The following NUAK1 variants were observed in gnomAD, a reference collection of about 807,000 sequenced individuals.
The protein encoded by NUAK1 is NUAK family SNF1-like kinase 1.
Under a neutral mutation model 56.9 loss-of-function variants are expected in NUAK1, and 26 were observed. The observed-to-expected ratio is 0.46, with a 90% confidence interval of 0.33 to 0.63. NUAK1 has a LOEUF of 0.63. NUAK1 is among the 30% of genes least tolerant of loss of function. The probability of loss-of-function intolerance (pLI) is 0.02; values close to 1 mark genes in which losing one functional copy is unlikely to be tolerated. For synonymous variants in NUAK1, 337 were observed against 336.0 expected, an observed-to-expected ratio of 1.00 and a Z score of -0.03; for missense variants, 727 against 876.1, an observed-to-expected ratio of 0.83 and a Z score of 2.15.
chr12:106,125,916 C>A (rs191658158), intron 1 of NUAK1, among the ~76,000 whole-genome samples: 31 of 145,680 alleles, frequency 2.1e-4, no homozygotes, highest in East Asian at 4.1e-4. Flanking sequence ...TAGTCTCCCC[C>A]CTGCATGCCT....
intron 1 of NUAK1, among the ~76,000 whole-genome samples, chr12:106,112,235 G>C (rs771157694): frequency 2.0e-5 from 3 of 152,128 alleles, no homozygotes; most frequent in Admixed American, 6.5e-5. Context: ...CCATTCACAA[G>C]GTGTGATCTC....
At chr12:106,102,362 A>G (rs1148426) in intron 2 of NUAK1, among the ~76,000 whole-genome samples, 152,292 of 152,358 alleles carry the variant, frequency 1, 76,113 homozygotes, top group Middle Eastern at 1. Context: ...CTTTCTATGA[A>G]GATGAAAATG....
intron 1 of NUAK1, among the ~76,000 whole-genome samples, chr12:106,116,027 CTT>C (rs2032913429): frequency 6.6e-6 from 1 of 152,232 alleles, no homozygotes; most frequent in Admixed American, 6.5e-5. Flanking sequence ...GCAATGACCC[CTT>C]TGCAGATATG....
chr12:106,102,916 C>T (rs909585306), intron 2 of NUAK1, among the ~76,000 whole-genome samples: 2 of 152,180 alleles, frequency 1.3e-5, no homozygotes, highest in African/African-American at 2.4e-5. Flanking sequence ...AGCCCCAGCT[C>T]CCTCCTGAGG....
intron 1 of NUAK1, among the ~76,000 whole-genome samples, chr12:106,127,770 G>A (rs1045569589): frequency 1.3e-5 from 2 of 152,080 alleles, no homozygotes; most frequent in African/African-American, 4.8e-5. Context: ...CTCTTCCTAC[G>A]AGCTGGAAGG....
At chr12:106,111,675 G>GC (rs555156823) in intron 1 of NUAK1, among the ~76,000 whole-genome samples, 52 of 152,248 alleles carry the variant, frequency 3.4e-4, no homozygotes, top group African/African-American at 1.2e-3. Context: ...GGTGATGCCA[G>GC]CCCCAGGGAC....
intron 1 of NUAK1, among the ~76,000 whole-genome samples, chr12:106,127,031 G>A (rs1036239924): frequency 2.0e-5 from 3 of 152,234 alleles, no homozygotes; most frequent in African/African-American, 7.2e-5. Flanking sequence ...CTTGACAAGT[G>A]GCTTCATGTC....
At chr12:106,086,984 G>T in intron 2 of NUAK1, 99 bp from the exon 3 acceptor site, 3 of 1,455,796 alleles carry the variant, frequency 2.1e-6, no homozygotes, top group Non-Finnish European at 1.9e-6. Context: ...ATGTCGCCAG[G>T]CAGAGGATCG....
At chr12:106,094,837 A>G (rs1005049103) in intron 2 of NUAK1, among the ~76,000 whole-genome samples, 1 of 152,180 alleles carries the variant, frequency 6.6e-6, no homozygotes, top group South Asian at 2.1e-4. Context: ...GCCTGCTAGG[A>G]TTAATAGTGC....
intron 1 of NUAK1, 125 bp from the exon 2 acceptor site, chr12:106,106,650 C>T (rs1358688978): frequency 1.0e-5 from 9 of 898,546 alleles, no homozygotes; most frequent in African/African-American, 1.7e-5. Context: ...CAAAACAAAG[C>T]TTGGAAATGC....
chr12:106,131,717 A>G (rs1245929060), intron 1 of NUAK1, among the ~76,000 whole-genome samples: 2 of 152,162 alleles, frequency 1.3e-5, no homozygotes, highest in African/African-American at 4.8e-5. Flanking sequence ...GTGTGGACAT[A>G]TGTTTGCATT....
At chr12:106,070,662 G>A in intron 6 of NUAK1, 112 bp downstream of exon 6, 1 of 1,382,368 alleles carries the variant, frequency 7.2e-7, no homozygotes, top group Non-Finnish European at 1.0e-6. Flanking sequence ...AGAAGAAAGA[G>A]GAAAACCAGG....
intron 1 of NUAK1, among the ~76,000 whole-genome samples, chr12:106,114,052 G>A (rs954320581): frequency 1.3e-5 from 2 of 152,174 alleles, no homozygotes; most frequent in African/African-American, 4.8e-5. Flanking sequence ...GAAGCCAAAT[G>A]CAACACCAAA....
chr12:106,118,655 C>T (rs563984519), intron 1 of NUAK1, among the ~76,000 whole-genome samples: 1 of 152,336 alleles, frequency 6.6e-6, no homozygotes, highest in African/African-American at 2.4e-5. Flanking sequence ...CAACCACAGG[C>T]CAGAAACATC....
chr12:106,076,347 G>A (rs1218157094), intron 4 of NUAK1, among the ~76,000 whole-genome samples: 1 of 152,198 alleles, frequency 6.6e-6, no homozygotes, highest in Non-Finnish European at 1.5e-5. Context: ...AACATCAGCT[G>A]CAAATGGAGA....
rs371338517 is a variant in NUAK1 at position 106,092,271 on chromosome 12, C to A, written c.362-5386G>T. Among the ~76,000 whole-genome samples the A allele has an allele frequency of 4.5e-4, 69 of 152,220 alleles. 2 individuals carry two copies. The South Asian group carries it at 0.014, about 31-fold the overall frequency. ...TGGTGGCTCATGCCTGTAATCCCAGCACTTTGGGAGGCCGAGGCGGGTGGA... is the reference window on the plus strand; with the variant it reads ...TGGTGGCTCATGCCTGTAATCCCAGAACTTTGGGAGGCCGAGGCGGGTGGA... On this transcript the variant is annotated intron_variant, in intron 2 of 6. Transcript: ENST00000261402.
intron 2 of NUAK1, among the ~76,000 whole-genome samples, chr12:106,088,664 T>C (rs189194287): frequency 2.3e-3 from 352 of 152,356 alleles, no homozygotes; most frequent in Non-Finnish European, 4.2e-3. Flanking sequence ...GGAGGACTTA[T>C]TGATACCAGT....
At chr12:106,076,282 G>A (rs1016199777) in intron 4 of NUAK1, among the ~76,000 whole-genome samples, 5 of 152,230 alleles carry the variant, frequency 3.3e-5, no homozygotes, top group Admixed American at 3.3e-4. Context: ...AAGAACAGCA[G>A]CAAGTACATG....
chr12:106,135,930 G>T (rs541512431), intron 1 of NUAK1, among the ~76,000 whole-genome samples: 24 of 152,296 alleles, frequency 1.6e-4, no homozygotes, highest in African/African-American at 5.8e-4. Flanking sequence ...TTTGTTTGGT[G>T]TTATTTTCTG....
Sources: gnomAD v4.1 joint callset for allele counts (sites outside exome capture counted in the v4.1 genomes callset) on GRCh38, gnomAD v4.1.1 for gene constraint, MANE v1.5 for transcripts, NCBI Gene and HGNC (gene_info 2026-07-23, HGNC 2026-07-21) for gene names.